The following RAB38 variants were observed in gnomAD, a reference collection of about 807,000 sequenced individuals.
The protein encoded by RAB38 is RAB38, member RAS oncogene family.
A neutral mutation model predicts 18.4 loss-of-function variants in RAB38; 15 were observed. The observed-to-expected ratio is 0.82, with a 90% CI of 0.55 to 1.26. The LOEUF (loss-of-function observed/expected upper bound fraction) is 1.26, where lower values mean the gene tolerates loss of function less well. Among genes scored for constraint, RAB38 ranks in the 50% most tolerant of loss-of-function variants. RAB38 has a pLI of 0.00. For synonymous variants in RAB38, 101 were observed against 104.4 expected, an observed-to-expected ratio of 0.97 and a Z score of 0.20; for missense variants, 294 against 267.4, an observed-to-expected ratio of 1.10 and a Z score of -0.69.
At chr11:88,022,989 G>A in the RAB38 span, among the ~76,000 whole-genome samples, 9 of 152,090 alleles carry the variant, frequency 5.9e-5, no homozygotes, top group Non-Finnish European at 1.5e-5. Context: ...AACACACACT[G>A]GGCCTTTTGG....
At chr11:87,839,522 G>T in the RAB38 span, among the ~76,000 whole-genome samples, 1 of 152,162 alleles carries the variant, frequency 6.6e-6, no homozygotes, top group African/African-American at 2.4e-5. Flanking sequence ...ATCAAGCTGT[G>T]CTTCTTTAAT....
chr11:87,826,033 G>T, the RAB38 span, among the ~76,000 whole-genome samples: 1 of 151,966 alleles, frequency 6.6e-6, no homozygotes, highest in African/African-American at 2.4e-5. Context: ...TGGGAAATTG[G>T]GTAGTAGTGC....
At chr11:88,034,764 G>A in the RAB38 span, among the ~76,000 whole-genome samples, 46 of 150,584 alleles carry the variant, frequency 3.1e-4, no homozygotes, top group East Asian at 6.8e-3. Flanking sequence ...GGATACCTAC[G>A]ATATTTCTGG....
At chr11:87,861,305 G>T in the RAB38 span, among the ~76,000 whole-genome samples, 2 of 151,902 alleles carry the variant, frequency 1.3e-5, no homozygotes, top group African/African-American at 4.8e-5. Context: ...AACAATGGGT[G>T]CCAAAATGGT....
chr11:87,904,029 G>A, the RAB38 span, among the ~76,000 whole-genome samples: 1 of 151,418 alleles, frequency 6.6e-6, no homozygotes, highest in Admixed American at 6.6e-5. Flanking sequence ...TTATGGAATT[G>A]TGGTTTTATT....
chr11:88,011,013 G>T, the RAB38 span, among the ~76,000 whole-genome samples: 1 of 152,030 alleles, frequency 6.6e-6, no homozygotes, highest in African/African-American at 2.4e-5. Flanking sequence ...TGTCTCCCTG[G>T]CATTTATTTA....
chr11:87,859,329 T>C, the RAB38 span, among the ~76,000 whole-genome samples: 1 of 151,970 alleles, frequency 6.6e-6, no homozygotes, highest in Non-Finnish European at 1.5e-5. Flanking sequence ...TTATAAATAA[T>C]GTTTCAAGAA....
the RAB38 span, among the ~76,000 whole-genome samples, chr11:88,060,597 G>C: frequency 6.6e-6 from 1 of 152,110 alleles, no homozygotes; most frequent in East Asian, 1.9e-4. Flanking sequence ...TGGAACCTAG[G>C]TCTAACTCCA....
the RAB38 span, among the ~76,000 whole-genome samples, chr11:88,103,085 A>G: frequency 6.6e-6 from 1 of 152,010 alleles, no homozygotes; most frequent in Non-Finnish European, 1.5e-5. Context: ...CTTGATAATT[A>G]CTGATTTAGG....
the RAB38 span, among the ~76,000 whole-genome samples, chr11:87,854,575 TAAATG>T: frequency 5.9e-5 from 9 of 152,276 alleles, no homozygotes; most frequent in African/African-American, 2.2e-4. Flanking sequence ...AAAGACATGA[TAAATG>T]AAATGTTTTC....
chr11:88,156,743 G>A (rs994155172), intron 1 of RAB38, among the ~76,000 whole-genome samples: 5 of 152,040 alleles, frequency 3.3e-5, no homozygotes, highest in African/African-American at 7.2e-5. Flanking sequence ...AACTAAGTTC[G>A]TAAGTGAAGG....
the RAB38 span, among the ~76,000 whole-genome samples, chr11:88,025,672 C>A: frequency 6.6e-6 from 1 of 151,954 alleles, no homozygotes; most frequent in Non-Finnish European, 1.5e-5. Context: ...ACTTATATGT[C>A]TTCTTTTGAA....
the RAB38 span, among the ~76,000 whole-genome samples, chr11:87,937,236 A>G: frequency 6.9e-6 from 1 of 145,976 alleles, no homozygotes; most frequent in African/African-American, 2.5e-5. Context: ...TTAGCTTATT[A>G]ATATGGTAAT....
At chr11:87,880,534 T>A in the RAB38 span, among the ~76,000 whole-genome samples, 1 of 151,836 alleles carries the variant, frequency 6.6e-6, no homozygotes, top group Admixed American at 6.6e-5. Context: ...GGTTTGTTTT[T>A]TTGCCACATT....
the RAB38 span, among the ~76,000 whole-genome samples, chr11:87,964,241 C>T: frequency 1.6e-4 from 24 of 152,032 alleles, no homozygotes; most frequent in Non-Finnish European, 1.0e-4. Flanking sequence ...ATGCAAGGAC[C>T]GTTGCATTCG....
At chr11:87,847,642 G>A in the RAB38 span, among the ~76,000 whole-genome samples, 1 of 152,056 alleles carries the variant, frequency 6.6e-6, no homozygotes, top group Admixed American at 6.6e-5. Flanking sequence ...GGGGTGAGAT[G>A]GTGGGAAGGT....
the RAB38 span, among the ~76,000 whole-genome samples, chr11:88,027,787 C>A: frequency 6.6e-6 from 1 of 152,220 alleles, no homozygotes; most frequent in African/African-American, 2.4e-5. Flanking sequence ...TAGGCTCCAC[C>A]TCTGGGGGCA....
At chr11:88,096,813 TA>T in the RAB38 span, among the ~76,000 whole-genome samples, 1 of 151,570 alleles carries the variant, frequency 6.6e-6, no homozygotes, top group African/African-American at 2.4e-5. Flanking sequence ...ATTTTAAAAA[TA>T]AAAGAAAAAA....
chr11:88,049,242 A>C, the RAB38 span, among the ~76,000 whole-genome samples: 1 of 152,182 alleles, frequency 6.6e-6, no homozygotes. Flanking sequence ...AGCCAAAGCT[A>C]AGCCATCACA....
Sources: gnomAD v4.1 joint callset for allele counts (sites outside exome capture counted in the v4.1 genomes callset) on GRCh38, gnomAD v4.1.1 for gene constraint, MANE v1.5 for transcripts, NCBI Gene and HGNC (gene_info 2026-07-23, HGNC 2026-07-21) for gene names.